Variants in EPB41 observed in about 807,000 individuals in gnomAD.
EPB41 encodes the protein erythrocyte membrane protein band 4.1, also known as protein 4.1.
Under a neutral mutation model 108.0 loss-of-function variants are expected in EPB41, and 65 were observed. The ratio of observed to expected loss-of-function variants is 0.60; its 90% CI spans 0.49 to 0.74. The LOEUF is 0.74. Ranked by LOEUF, EPB41 falls within the 30% of genes least tolerant of loss-of-function variation. EPB41 has a pLI of 0.00. For missense variants in EPB41, 875 were observed against 1,037.0 expected, an observed-to-expected ratio of 0.84 and a Z score of 2.15; for synonymous variants, 336 against 358.9, an observed-to-expected ratio of 0.94 and a Z score of 0.72.
In EPB41 at chr1:28,897,608, G is replaced by GGGAGGGGAGA. The variant is rs1266878550; in HGVS notation, c.-8+10438_-8+10447dup. 1.8e-3 allele frequency among the ~76,000 whole-genome samples: 32 copies of GGGAGGGGAGA among 18,212 alleles called. No homozygotes were observed. In the East Asian group the frequency reaches 0.021, roughly 12 times the overall value. The allele number at this position is 18,212 out of a possible 152,430, so 11.9% of individuals were successfully genotyped here. ...CGGAGGGAAGGGAAGGGAAGGGGAGGGGAGGGGAGAGGAGGGGAGAGGAGG... is the reference window on the plus strand; with the variant it reads ...CGGAGGGAAGGGAAGGGAAGGGGAGGGGAGGGGAGAGGAGGGGAGAGGAGGGGAGAGGAGG... On this transcript the variant is annotated intron_variant, in intron 1 of 16. Coordinates refer to the EPB41 transcript ENST00000347529.
Position 29,039,315 on chromosome 1 carries a change from T to TA in EPB41, c.1526dup (p.Tyr509Ter). The TA allele has an allele frequency of 6.2e-7, 1 of 1,614,130 alleles. No homozygotes were observed. Among genetic ancestry groups the TA allele is most frequent in the Non-Finnish European group, 8.5e-7 (1 of 1,180,012 alleles). The part of the protein sequence containing the change: ...KFLALGSKFR[Y>*]SGRTQAQTRQ... ...TCTTGCGCTAGGATCCAAATTTCGA[T>TA]ACAGTGGCCGGACTCAAGCTCAGAC... The change falls in exon 11 of 21, where the codon TAC becomes TAAC. Residue 509 changes from tyrosine (Y) to a stop codon, truncating the protein, a stop_gained and frameshift_variant. Coordinates refer to ENST00000343067, the MANE Select transcript of EPB41 (RefSeq NM_001376013.1). LOFTEE classifies it high-confidence loss of function.
intron 1 of EPB41, among the ~76,000 whole-genome samples, chr1:28,900,985 A>G (rs1043997797): frequency 1.3e-5 from 2 of 152,118 alleles, no homozygotes; most frequent in Admixed American, 6.6e-5. Flanking sequence ...GCTGGAGTGC[A>G]GTGGCGAGAT....
chr1:29,018,125 T>TC lies in EPB41; in HGVS notation c.906-98dup. ...TCTTTTCTTCTGTGTCCTTATTTTT[T>TC]CTCTCTCTCCCTTTCTGTTTCTCCC... On this transcript the variant is annotated intron_variant, in intron 6 of 20. Coordinates refer to ENST00000343067, the MANE Select transcript of EPB41 (RefSeq NM_001376013.1). This position sits in a 1 kb window ranked among gnomAD's most constrained non-coding sequence, Gnocchi z 4.4. 3 of 1,046,376 alleles carry TC rather than the reference T, an allele frequency of 2.9e-6. No individual in the cohort carries two copies. The highest frequency in any genetic ancestry group is 4.3e-6 in the Non-Finnish European group (3 of 691,864). 64.8% of individuals were successfully genotyped at this position (1,046,376 alleles called of 1,614,324 possible).
intron 16 of EPB41, among the ~76,000 whole-genome samples, chr1:29,089,378 A>G (rs1179076388): frequency 2.0e-5 from 3 of 152,296 alleles, no homozygotes; most frequent in South Asian, 2.1e-4. Flanking sequence ...CATACCTTCA[A>G]CACGTTTTTA....
rs545563379 is a variant in EPB41 at position 29,006,226 on chromosome 1, C to G, written c.787-5639C>G. On this transcript the variant is annotated intron_variant, in intron 4 of 20. Coordinates refer to ENST00000343067, the MANE Select transcript of EPB41 (RefSeq NM_001376013.1). The stretch of plus-strand genomic sequence containing the variant: ...AAAGGTGTAAATCGTACATATACAT[C>G]CCAAAGAATTTTTTTTTTTTTTTTT... Among the ~76,000 whole-genome samples the G allele has an allele frequency of 8.1e-5, 12 of 147,562 alleles. No individual in the cohort carries two copies. The East Asian group carries it at 2.3e-3, about 28-fold the overall frequency.
intron 9 of EPB41, among the ~76,000 whole-genome samples, chr1:29,035,412 C>T (rs1169353383): frequency 1.3e-5 from 2 of 152,146 alleles, no homozygotes; most frequent in Admixed American, 6.5e-5. Flanking sequence ...ATTTCTATTG[C>T]ATAATAATAT....
At chr1:28,989,271 A>G in intron 2 of EPB41, 1 of 352,524 alleles carries the variant, frequency 2.8e-6, no homozygotes, top group South Asian at 1.2e-4. Flanking sequence ...ACTAAACACG[A>G]GTTGTGAGTT....
At chr1:29,005,198 A>G (rs558849081) in intron 4 of EPB41, among the ~76,000 whole-genome samples, 8 of 152,228 alleles carry the variant, frequency 5.3e-5, no homozygotes, top group South Asian at 4.2e-4. Flanking sequence ...GCAGAAGACT[A>G]TGGGGAAGCT....
intron 18 of EPB41, among the ~76,000 whole-genome samples, chr1:29,111,566 TGG>T (rs1669174859): frequency 6.6e-6 from 1 of 151,914 alleles, no homozygotes; most frequent in African/African-American, 2.4e-5. Context: ...GGCAGGAGAA[TGG>T]TGTGAACCCA....
At chr1:28,977,956 C>CTT (rs1297773024) in intron 1 of EPB41, among the ~76,000 whole-genome samples, 1 of 145,076 alleles carries the variant, frequency 6.9e-6, no homozygotes, top group African/African-American at 2.5e-5. Flanking sequence ...TTTATATTCT[C>CTT]TTTTTTTTTT....
intron 16 of EPB41, chr1:29,096,733 T>A: frequency 3.2e-6 from 1 of 310,394 alleles, no homozygotes; most frequent in Non-Finnish European, 4.7e-6. Flanking sequence ...AATCACAGAC[T>A]AAAAGCCTTT....
intron 11 of EPB41, 95 bp downstream of exon 11, chr1:29,039,521 C>G (rs1291857328): frequency 6.6e-7 from 1 of 1,515,946 alleles, no homozygotes; most frequent in Non-Finnish European, 9.0e-7. Flanking sequence ...ATTAAAGAAG[C>G]TCAGGGTTGG....
intron 1 of EPB41, among the ~76,000 whole-genome samples, chr1:28,947,340 G>A (rs1411680195): frequency 1.3e-5 from 2 of 151,710 alleles, no homozygotes; most frequent in Non-Finnish European, 2.9e-5. Context: ...CTCGGGAGGC[G>A]GATGTTGCAG....
chr1:29,053,109 G>A lies in EPB41; in HGVS notation c.1642G>A (p.Ala548Thr). 6.2e-7 allele frequency: 1 copy of A among 1,613,960 alleles called. No homozygotes were observed. Among genetic ancestry groups the A allele is most frequent in the Non-Finnish European group, 8.5e-7 (1 of 1,180,032 alleles). Residue 548 changes from alanine to threonine, a missense_variant, in exon 12 of 21, where the codon GCT (alanine) becomes ACT (threonine). By Grantham distance (58) the Ala-to-Thr change is moderately conservative (BLOSUM62 0). This residue lies in a region of EPB41 where 519 missense variants were observed against 627.3 expected (regional missense o/e 0.83). Transcript: ENST00000343067. ...RASRSLDGAA[A>T]VDSADRSPRP... ...CTTTTCCCTTTCTCACATAGCAGCA[G>A]CTGTCGATTCGGCAGACCGAAGTCC...
chr1:28,945,459 T>C (rs1035832632), intron 1 of EPB41, among the ~76,000 whole-genome samples: 1 of 152,116 alleles, frequency 6.6e-6, no homozygotes, highest in Non-Finnish European at 1.5e-5. Context: ...AGTTGAGAGG[T>C]TTTAAATAGA....
At chr1:29,064,900 C>T (rs1265547664) in intron 15 of EPB41, 82 bp from the exon 16 acceptor site, 14 of 1,568,900 alleles carry the variant, frequency 8.9e-6, no homozygotes, top group Non-Finnish European at 1.1e-5. Flanking sequence ...TCTACCAGTG[C>T]CCAGTCTCTG....
intron 5 of EPB41, among the ~76,000 whole-genome samples, chr1:29,013,608 C>T (rs2149977583): frequency 6.6e-6 from 1 of 152,152 alleles, no homozygotes; most frequent in African/African-American, 2.4e-5. Flanking sequence ...CTCACTGCAA[C>T]CTCCACCTCC....
chr1:29,023,421 C>CT (rs1237486961), intron 7 of EPB41, among the ~76,000 whole-genome samples: 7 of 151,972 alleles, frequency 4.6e-5, no homozygotes, highest in African/African-American at 1.7e-4. Flanking sequence ...GGCACAGTGG[C>CT]TCATGCCTGT....
chr1:29,068,469 C>T (rs1252307521), intron 16 of EPB41, among the ~76,000 whole-genome samples: 2 of 152,138 alleles, frequency 1.3e-5, no homozygotes, highest in African/African-American at 4.8e-5. Flanking sequence ...AAAGAAATAA[C>T]TTTTTATAAA....
Sources: allele counts gnomAD v4.1 joint callset (sites outside exome capture counted in the v4.1 genomes callset), GRCh38; gene constraint gnomAD v4.1.1; regional missense constraint gnomAD v4.1.1; non-coding constraint Gnocchi (gnomAD v3.1); transcripts MANE v1.5; gene names NCBI Gene and HGNC (gene_info 2026-07-23, HGNC 2026-07-21).